ALPL: variants seen among roughly 807,000 people sequenced by gnomAD.
ALPL encodes alkaline phosphatase, biomineralization associated, also known as alkaline phosphatase, tissue-nonspecific isozyme.
A neutral mutation model predicts 51.3 loss-of-function variants in ALPL; 42 were observed. The ratio of observed to expected loss-of-function variants is 0.82; its 90% CI spans 0.64 to 1.06. The LOEUF (loss-of-function observed/expected upper bound fraction) is 1.06, where lower values mean the gene tolerates loss of function less well. Ranked by LOEUF, ALPL falls within the 50% of genes least tolerant of loss-of-function variation. The pLI is 0.00. For synonymous variants in ALPL, 279 were observed against 296.4 expected (o/e 0.94, Z 0.60); for missense variants, 589 against 709.4 (o/e 0.83, Z 1.93).
intron 1 of ALPL, among the ~76,000 whole-genome samples, chr1:21,523,576 A>G (rs1410293558): frequency 3.3e-5 from 5 of 151,984 alleles, no homozygotes; most frequent in African/African-American, 9.7e-5. Flanking sequence ...GGCCTCCCCT[A>G]TGTCACACCC....
intron 1 of ALPL, among the ~76,000 whole-genome samples, chr1:21,521,138 C>T (rs1173709877): frequency 6.6e-6 from 1 of 152,182 alleles, no homozygotes; most frequent in Admixed American, 6.5e-5. Context: ...ATCTGAGTCA[C>T]TCGTGAATTC....
At chr1:21,553,080 A>T (rs1300743755) in intron 1 of ALPL, among the ~76,000 whole-genome samples, 2 of 152,242 alleles carry the variant, frequency 1.3e-5, no homozygotes, top group East Asian at 3.9e-4. Flanking sequence ...AAAAATAAAG[A>T]GGAAATAATC....
rs3738095 is a variant in ALPL at position 21,568,502 on chromosome 1, G to C, written c.792+255G>C. Reference sequence around the variant, plus strand: ...CCAGGGAATAACCTGCGTGGACATTGAGTCACCCTGAGCACCTATTGTATG... The same window carrying C: ...CCAGGGAATAACCTGCGTGGACATTCAGTCACCCTGAGCACCTATTGTATG... On this transcript the variant is annotated intron_variant, in intron 7 of 11. Transcript: ENST00000374840. Among the ~76,000 whole-genome samples the C allele has an allele frequency of 0.18, 27,832 of 151,912 alleles. 3,127 individuals are homozygous for C. The highest frequency in any genetic ancestry group is 0.45 in the East Asian group (2,323 of 5,118).
intron 2 of ALPL, among the ~76,000 whole-genome samples, chr1:21,559,264 G>A (rs1016541614): frequency 6.6e-6 from 1 of 152,192 alleles, no homozygotes; most frequent in Non-Finnish European, 1.5e-5. Flanking sequence ...AGGGCCCTGG[G>A]ACAGAGGGGA....
chr1:21,527,191 C>A (rs1403378075), intron 1 of ALPL, among the ~76,000 whole-genome samples: 2 of 151,940 alleles, frequency 1.3e-5, no homozygotes, highest in African/African-American at 2.4e-5. Context: ...CACCACCACA[C>A]CCAGCTAATT....
At chr1:21,542,862 C>T (rs974411189) in intron 1 of ALPL, among the ~76,000 whole-genome samples, 5 of 152,066 alleles carry the variant, frequency 3.3e-5, no homozygotes, top group African/African-American at 1.2e-4. Context: ...CAAAAAAATA[C>T]AGCTTCCAGC....
rs1475384796 is a variant in ALPL, at chr1:21,569,603, C to T, written c.793-702C>T. Among the ~76,000 whole-genome samples the T allele has an allele frequency of 2.6e-5, 4 of 152,134 alleles. No homozygotes were observed. The South Asian group carries it at 6.2e-4, about 24-fold the overall frequency. On this transcript the variant is annotated intron_variant, in intron 7 of 11. Coordinates refer to ENST00000374840, the MANE Select transcript of ALPL (RefSeq NM_000478.6). ...GGGTGCGGAGCCCCACTTTCTGAGC[C>T]TCTCTGCCCTCCTCCCCACAACAGC...
At chr1:21,513,913 ACACTTGCC>A (rs953837300) in intron 1 of ALPL, among the ~76,000 whole-genome samples, 1 of 152,090 alleles carries the variant, frequency 6.6e-6, no homozygotes, top group African/African-American at 2.4e-5. Context: ...CCACTGCCTC[ACACTTGCC>A]CACCTGCCTC....
chr1:21,546,710 C>T (rs865867308), intron 1 of ALPL, among the ~76,000 whole-genome samples: 12 of 152,306 alleles, frequency 7.9e-5, no homozygotes, highest in African/African-American at 1.9e-4. Flanking sequence ...AGGTACGGGC[C>T]GTGGAGACCC....
At position 21,560,755 on chromosome 1, in the gene ALPL, A is replaced by AG; in HGVS notation, c.181+14dup. 1 of 1,614,064 alleles carries AG rather than the reference A, an allele frequency of 6.2e-7. No individual in the cohort carries two copies. The highest frequency in any genetic ancestry group is 8.5e-7 in the Non-Finnish European group (1 of 1,179,990). On this transcript the variant is annotated intron_variant, in intron 3 of 11. Transcript: ENST00000374840. ...ATGTTCCTGGGAGATGGTGAGGCCC[A>AG]GGGGCCTGTGGGAGGGGTGGAACAG... is the stretch of plus-strand genomic sequence containing the variant.
intron 1 of ALPL, among the ~76,000 whole-genome samples, chr1:21,539,309 C>A (rs1037485673): frequency 2.6e-5 from 4 of 152,110 alleles, no homozygotes; most frequent in Non-Finnish European, 4.4e-5. Flanking sequence ...TTGTGGGGAT[C>A]AAGTGAGTTA....
chr1:21,564,628 T>C lies in ALPL; in HGVS notation c.648+412T>C, dbSNP rs1308114164. 1.3e-5 allele frequency among the ~76,000 whole-genome samples: 2 copies of C among 152,220 alleles called. No individual in the cohort carries two copies. Among genetic ancestry groups the C allele is most frequent in the Non-Finnish European group, 2.9e-5 (2 of 68,044 alleles). On this transcript the variant is annotated intron_variant, in intron 6 of 11. Transcript: ENST00000374840. The surrounding 1 kb of genome is among the most constrained non-coding windows in gnomAD (Gnocchi z 5.8). ...GCATGCCCGGCAAAGAGCTGGTGTG[T>C]ACAGTGGTTGGCTAGTGCCAGCTCT...
chr1:21,539,636 G>T (rs1458225909), intron 1 of ALPL, among the ~76,000 whole-genome samples: 1 of 149,810 alleles, frequency 6.7e-6, no homozygotes, highest in African/African-American at 2.4e-5. Flanking sequence ...TACCCTCTCT[G>T]TGTCTTCCTT....
intron 1 of ALPL, among the ~76,000 whole-genome samples, chr1:21,542,231 C>T (rs1393864409): frequency 6.8e-6 from 1 of 147,710 alleles, no homozygotes; most frequent in East Asian, 1.9e-4. Flanking sequence ...TATGCAGGTG[C>T]CCCCCAGCCC....
intron 1 of ALPL, among the ~76,000 whole-genome samples, chr1:21,514,602 C>CG (rs900907195): frequency 2.0e-5 from 3 of 152,092 alleles, no homozygotes; most frequent in African/African-American, 7.2e-5. Context: ...TGGTTACATG[C>CG]GGGGGGCTCT....
intron 10 of ALPL, 123 bp from the exon 11 acceptor site, chr1:21,576,399 C>T (rs1004785578): frequency 6.1e-6 from 8 of 1,319,096 alleles, no homozygotes; most frequent in Non-Finnish European, 8.4e-6. Context: ...TTCTTGGAGG[C>T]ATTGCAGGGC....
chr1:21,543,274 A>G (rs1451358322), intron 1 of ALPL, among the ~76,000 whole-genome samples: 1 of 152,148 alleles, frequency 6.6e-6, no homozygotes, highest in African/African-American at 2.4e-5. Flanking sequence ...AAACTTGCAT[A>G]TAGTCACATC....
chr1:21,554,349 C>T (rs1644370588), intron 2 of ALPL, among the ~76,000 whole-genome samples: 1 of 149,220 alleles, frequency 6.7e-6, no homozygotes, highest in Non-Finnish European at 1.5e-5. Flanking sequence ...TACACACATA[C>T]ACATATATGA....
chr1:21,514,403 C>G (rs1389867605), intron 1 of ALPL, among the ~76,000 whole-genome samples: 1 of 152,244 alleles, frequency 6.6e-6, no homozygotes, highest in African/African-American at 2.4e-5. Context: ...CAGCCCTGTG[C>G]ATCAGTGCAT....
Sources: allele counts gnomAD v4.1 joint callset (sites outside exome capture counted in the v4.1 genomes callset), GRCh38; gene constraint gnomAD v4.1.1; non-coding constraint Gnocchi (gnomAD v3.1); transcripts MANE v1.5; gene names NCBI Gene and HGNC (gene_info 2026-07-23, HGNC 2026-07-21).